Variants in JAM3 observed in about 807,000 individuals in gnomAD.
JAM3 encodes junctional adhesion molecule C.
Under a neutral mutation model 39.4 loss-of-function variants are expected in JAM3, and 31 were observed. The observed-to-expected ratio is 0.79, with a 90% CI of 0.59 to 1.06. JAM3 has a LOEUF of 1.06. Ranked by LOEUF, JAM3 falls within the 50% of genes least tolerant of loss-of-function variation. The pLI, the probability that JAM3 is intolerant of heterozygous loss-of-function variation, is 0.00. For synonymous variants in JAM3, 182 were observed against 148.7 expected (o/e 1.22, Z -1.63); for missense variants, 455 against 391.4 (o/e 1.16, Z -1.37).
chr11:134,137,546 C>T (rs1942889740), intron 1 of JAM3, among the ~76,000 whole-genome samples: 1 of 152,220 alleles, frequency 6.6e-6, no homozygotes, highest in Admixed American at 6.5e-5. Context: ...GTCTTTGGGC[C>T]AGAGCTGATC....
At chr11:134,075,590 T>G (rs1003054238) in intron 1 of JAM3, among the ~76,000 whole-genome samples, 2 of 152,072 alleles carry the variant, frequency 1.3e-5, no homozygotes, top group Non-Finnish European at 2.9e-5. Flanking sequence ...ACCTGGGTAA[T>G]TTTTTGAACA....
chr11:134,129,058 T>G (rs1318184937), intron 1 of JAM3, among the ~76,000 whole-genome samples: 1 of 152,042 alleles, frequency 6.6e-6, no homozygotes, highest in Non-Finnish European at 1.5e-5. Flanking sequence ...GGTGACTGCC[T>G]TCTTGCTGTG....
chr11:134,111,072 T>A (rs1942299293), intron 1 of JAM3, among the ~76,000 whole-genome samples: 4 of 151,282 alleles, frequency 2.6e-5, no homozygotes, highest in Non-Finnish European at 5.9e-5. Flanking sequence ...AATTCTTTGT[T>A]CTCACTCTAC....
rs1943026504 is a variant in JAM3, at chr11:134,144,164, A to G, written c.257-77A>G. 8 of 1,453,208 alleles carry G rather than the reference A, an allele frequency of 5.5e-6. No individual in the cohort carries two copies. In the East Asian group the frequency reaches 1.6e-4, roughly 29 times the overall value. The allele number at this position is 1,453,208 out of a possible 1,614,324, so 90.0% of individuals were successfully genotyped here. ...CTTCCTTGCTGTGGCATCTAGTGCT[A>G]GCCCCAGAAACCACCCTCTTCAAGT... On this transcript the variant is annotated intron_variant, in intron 3 of 8. Coordinates refer to ENST00000299106, the MANE Select transcript of JAM3 (RefSeq NM_032801.5).
chr11:134,097,815 C>T (rs1286318072), intron 1 of JAM3, among the ~76,000 whole-genome samples: 1 of 151,602 alleles, frequency 6.6e-6, no homozygotes, highest in Non-Finnish European at 1.5e-5. Context: ...GAGTGATCTT[C>T]AGATTTTTAA....
At chr11:134,079,989 GTTC>G (rs557638276) in intron 1 of JAM3, among the ~76,000 whole-genome samples, 1,566 of 151,194 alleles carry the variant, frequency 0.01, 22 homozygotes, top group African/African-American at 0.034. Flanking sequence ...GTTTTGTTTT[GTTC>G]TTTTTTTTGT....
At chr11:134,075,756 A>G (rs1164830213) in intron 1 of JAM3, among the ~76,000 whole-genome samples, 1 of 152,056 alleles carries the variant, frequency 6.6e-6, no homozygotes, top group Non-Finnish European at 1.5e-5. Context: ...TCTACTTGTT[A>G]TATGTTGTGG....
chr11:134,072,794 C>T (rs1308922267), intron 1 of JAM3, among the ~76,000 whole-genome samples: 1 of 152,168 alleles, frequency 6.6e-6, no homozygotes, highest in East Asian at 1.9e-4. Context: ...CCTGTAGTCC[C>T]AGCTACTCTG....
At chr11:134,076,301 G>C (rs1396460200) in intron 1 of JAM3, among the ~76,000 whole-genome samples, 26 of 151,470 alleles carry the variant, frequency 1.7e-4, no homozygotes, top group African/African-American at 5.6e-4. Flanking sequence ...ATTACAGGCG[G>C]CCGCCACCAC....
At chr11:134,090,077 T>C (rs1208723202) in intron 1 of JAM3, among the ~76,000 whole-genome samples, 1 of 152,268 alleles carries the variant, frequency 6.6e-6, no homozygotes, top group Non-Finnish European at 1.5e-5. Flanking sequence ...GAGCATTTTT[T>C]CATGTGTCTT....
intron 1 of JAM3, among the ~76,000 whole-genome samples, chr11:134,135,874 G>C (rs1942856131): frequency 6.6e-6 from 1 of 152,120 alleles, no homozygotes; most frequent in African/African-American, 2.4e-5. Flanking sequence ...TTCGAGACCA[G>C]TCTGGCCAAC....
rs377287226 is a variant in JAM3, at chr11:134,138,400, G to A, written c.77-1451G>A. Among the ~76,000 whole-genome samples, 622 of 107,892 alleles carry A rather than the reference G, an allele frequency of 5.8e-3. 11 individuals carry two copies. The highest frequency in any genetic ancestry group is 0.024 in the African/African-American group (570 of 23,630). 70.8% of individuals were successfully genotyped at this position (107,892 alleles called of 152,430 possible). ...TTAGAGCCAGTGGTGGTGTCTCGTC[G>A]AAGTCGTGGTGCTCATACTGGAAGA... On this transcript the variant is annotated intron_variant, in intron 1 of 8. Coordinates refer to ENST00000299106, the MANE Select transcript of JAM3 (RefSeq NM_032801.5).
At chr11:134,147,679 G>A (rs1943103048) in intron 6 of JAM3, 1 of 150,754 alleles carries the variant, frequency 6.6e-6, no homozygotes, top group African/African-American at 2.4e-5. Context: ...GTAGAGACGG[G>A]GTTTCACCAC....
intron 1 of JAM3, among the ~76,000 whole-genome samples, chr11:134,101,779 G>C (rs572655929): frequency 6.6e-6 from 1 of 152,218 alleles, no homozygotes; most frequent in South Asian, 2.1e-4. Context: ...AGTCCTTTAT[G>C]TGTGATAACT....
At chr11:134,099,837 C>T (rs1348512720) in intron 1 of JAM3, among the ~76,000 whole-genome samples, 1 of 152,142 alleles carries the variant, frequency 6.6e-6, no homozygotes, top group Non-Finnish European at 1.5e-5. Context: ...GAACTCCAGA[C>T]CTCGTCATCC....
chr11:134,107,313 C>CATG (rs1942211520), intron 1 of JAM3, among the ~76,000 whole-genome samples: 1 of 152,010 alleles, frequency 6.6e-6, no homozygotes. Flanking sequence ...AGGGGAACAT[C>CATG]ACACACCAGG....
At chr11:134,103,474 C>G (rs1161943727) in intron 1 of JAM3, among the ~76,000 whole-genome samples, 1 of 152,124 alleles carries the variant, frequency 6.6e-6, no homozygotes, top group African/African-American at 2.4e-5. Context: ...AAATAACCAG[C>G]TAACATCATA....
chr11:134,133,284 G>T (rs566890894), intron 1 of JAM3, among the ~76,000 whole-genome samples: 1 of 152,022 alleles, frequency 6.6e-6, no homozygotes, highest in Admixed American at 6.5e-5. Context: ...TTCCTTTTTT[G>T]TCCTTTTCTT....
intron 1 of JAM3, among the ~76,000 whole-genome samples, chr11:134,128,502 A>G (rs930941356): frequency 2.0e-5 from 3 of 152,130 alleles, no homozygotes; most frequent in Non-Finnish European, 4.4e-5. Context: ...TGTGTCAAGG[A>G]GGGGGCCCTG....
Sources: gnomAD v4.1 joint callset for allele counts (sites outside exome capture counted in the v4.1 genomes callset) on GRCh38, gnomAD v4.1.1 for gene constraint, MANE v1.5 for transcripts, NCBI Gene and HGNC (gene_info 2026-07-23, HGNC 2026-07-21) for gene names.